VWA8: variants seen among roughly 807,000 people sequenced by gnomAD.
The protein encoded by VWA8 is von Willebrand factor A domain containing 8, also known as von Willebrand factor A domain-containing protein 8.
In VWA8, 221 loss-of-function variants were observed where a neutral mutation model predicts 241.5. The observed-to-expected ratio is 0.91, with a 90% CI of 0.82 to 1.02. VWA8 has a LOEUF of 1.02. VWA8 is among the 50% of genes least tolerant of loss of function. VWA8 has a pLI of 0.00. For synonymous variants in VWA8, 852 were observed against 827.1 expected, an observed-to-expected ratio of 1.03 and a Z score of -0.52; for missense variants, 2,322 against 2,328.7, an observed-to-expected ratio of 1.00 and a Z score of 0.06.
intron 37 of VWA8, among the ~76,000 whole-genome samples, chr13:41,633,109 G>A (rs1370809911): frequency 2.0e-5 from 3 of 152,122 alleles, no homozygotes; most frequent in South Asian, 2.1e-4. Context: ...TGAAGTAATC[G>A]TAATGTACTC....
intron 42 of VWA8, 42 bp from the exon 43 acceptor site, chr13:41,575,880 A>G: frequency 6.9e-7 from 1 of 1,441,658 alleles, no homozygotes; most frequent in Non-Finnish European, 9.6e-7. Flanking sequence ...TTTTCTCCAC[A>G]AAAGAACAGT....
intron 37 of VWA8, among the ~76,000 whole-genome samples, chr13:41,666,190 A>C (rs1313699444): frequency 6.6e-6 from 1 of 152,150 alleles, no homozygotes; most frequent in East Asian, 1.9e-4. Flanking sequence ...AAGGAGGCCC[A>C]TATGCATGAA....
chr13:41,739,716 A>C (rs1593734140), intron 21 of VWA8, among the ~76,000 whole-genome samples: 1 of 152,294 alleles, frequency 6.6e-6, no homozygotes, highest in African/African-American at 2.4e-5. Context: ...GATATTCGTA[A>C]AGGAAGACAC....
chr13:41,648,178 C>G (rs2044844526), intron 37 of VWA8, among the ~76,000 whole-genome samples: 1 of 152,122 alleles, frequency 6.6e-6, no homozygotes, highest in African/African-American at 2.4e-5. Context: ...AAGTGTCTCA[C>G]ACTTCCTGAA....
intron 20 of VWA8, among the ~76,000 whole-genome samples, chr13:41,762,250 T>C (rs1271575932): frequency 1.3e-5 from 2 of 152,100 alleles, no homozygotes; most frequent in African/African-American, 4.8e-5. Flanking sequence ...ACTTAACCCA[T>C]ACTGTGCCAG....
rs1160934805 is a variant in VWA8 at position 41,811,261 on chromosome 13, T to C, written c.2027A>G (p.Asn676Ser). ...SRRLSQYPNE[N>S]LHSAVTKACL... is the part of the protein sequence containing the mutation. ...GGCTTTAGTAACAGCACTGTGAAGA[T>C]TTTCATTAGGATACTGTGACAGCCG... Residue 676 changes from asparagine (N) to serine (S), a missense_variant, in exon 17 of 45, where the codon AAT becomes AGT. Coordinates refer to ENST00000379310, the MANE Select transcript of VWA8 (RefSeq NM_015058.2). 6.2e-7 allele frequency: 1 copy of C among 1,610,284 alleles called. No homozygotes were observed. The highest frequency in any genetic ancestry group is 1.3e-5 in the African/African-American group (1 of 74,842).
At chr13:41,937,512 G>A (rs1018590267) in intron 2 of VWA8, among the ~76,000 whole-genome samples, 3 of 152,166 alleles carry the variant, frequency 2.0e-5, no homozygotes, top group African/African-American at 4.8e-5. Context: ...GATCTGACAG[G>A]AGGCGGATCT....
In VWA8 at chr13:41,765,880, T is replaced by A. The variant is rs965031581; in HGVS notation, c.2350-4676A>T. Among the ~76,000 whole-genome samples, 14 of 152,294 alleles carry A rather than the reference T, an allele frequency of 9.2e-5. 1 individual carries two copies. The highest frequency in any genetic ancestry group is 3.4e-4 in the African/African-American group (14 of 41,574). ...AATTTGATATAGGAGAAGAAACTTG[T>A]GGAATGAGAGCTCCTAAAAAATAAA... On this transcript the variant is annotated intron_variant, in intron 20 of 44. Coordinates refer to ENST00000379310, the MANE Select transcript of VWA8 (RefSeq NM_015058.2).
intron 26 of VWA8, among the ~76,000 whole-genome samples, chr13:41,717,278 T>G (rs2045353798): frequency 6.6e-6 from 1 of 151,830 alleles, no homozygotes; most frequent in Admixed American, 6.6e-5. Context: ...GTGTACTTCC[T>G]TAATATTTTT....
intron 37 of VWA8, among the ~76,000 whole-genome samples, chr13:41,651,194 A>G (rs184514234): frequency 2.5e-3 from 382 of 152,136 alleles, no homozygotes; most frequent in South Asian, 4.4e-3. Context: ...GAAAGGATTG[A>G]GGATTGCTTT....
In VWA8 at chr13:41,699,064, G is replaced by C. The variant is rs2045232524; in HGVS notation, c.3564+7C>G. The C allele has an allele frequency of 6.2e-7, 1 of 1,613,722 alleles. No homozygotes were observed. Among genetic ancestry groups the C allele is most frequent in the Admixed American group, 1.7e-5 (1 of 59,994 alleles). ...TCCTCACATAATTGTAGCCTGGTGT[G>C]CATTACCTGCTGCTCATGGAGAACC... On this transcript the variant is annotated splice_region_variant and intron_variant, in intron 29 of 44. Coordinates refer to ENST00000379310, the MANE Select transcript of VWA8 (RefSeq NM_015058.2).
chr13:41,611,663 T>C lies in VWA8; in HGVS notation c.4790A>G (p.Tyr1597Cys). The C allele has an allele frequency of 1.2e-6, 2 of 1,614,094 alleles. No individual in the cohort carries two copies. The highest frequency in any genetic ancestry group is 1.7e-6 in the Non-Finnish European group (2 of 1,179,980). Residue 1597 changes from tyrosine to cysteine, a missense_variant, in exon 39 of 45, where the codon TAC becomes TGC. Transcript: ENST00000379310. ...ATCTTTCTCAGCCTGAGAGACCTGGTACACCGTATGGCCTGCATCCAGCCG... is the reference window on the plus strand; with the variant it reads ...ATCTTTCTCAGCCTGAGAGACCTGGCACACCGTATGGCCTGCATCCAGCCG... ...PYRLDAGHTV[Y>C]QVSQAEKDAV...
At chr13:41,957,882 C>T (rs1386518319) in intron 1 of VWA8, among the ~76,000 whole-genome samples, 1 of 152,090 alleles carries the variant, frequency 6.6e-6, no homozygotes, top group Non-Finnish European at 1.5e-5. Flanking sequence ...TATATTTATA[C>T]AGTTATGTTT....
At chr13:41,636,232 T>C (rs1181020093) in intron 37 of VWA8, among the ~76,000 whole-genome samples, 5 of 152,076 alleles carry the variant, frequency 3.3e-5, no homozygotes, top group Non-Finnish European at 7.4e-5. Flanking sequence ...AACAGAGATA[T>C]AGACCAATGG....
chr13:41,638,875 G>T (rs1044775975), intron 37 of VWA8, among the ~76,000 whole-genome samples: 3 of 152,116 alleles, frequency 2.0e-5, no homozygotes, highest in African/African-American at 7.2e-5. Context: ...GAGAGAGAGA[G>T]AATGTGATCC....
chr13:41,805,012 T>C (rs903923126), intron 17 of VWA8, among the ~76,000 whole-genome samples: 1 of 151,952 alleles, frequency 6.6e-6, no homozygotes, highest in Non-Finnish European at 1.5e-5. Flanking sequence ...GAGAAGACCA[T>C]AAAGCAACCT....
chr13:41,891,201 C>A (rs1163626829), intron 5 of VWA8, among the ~76,000 whole-genome samples: 37 of 136,416 alleles, frequency 2.7e-4, no homozygotes, highest in Admixed American at 5.1e-4. Flanking sequence ...TTAGACTGAC[C>A]AAAAAAAAAA....
At chr13:41,574,156 T>C (rs1271240456) in intron 43 of VWA8, among the ~76,000 whole-genome samples, 1 of 140,258 alleles carries the variant, frequency 7.1e-6, no homozygotes, top group African/African-American at 2.7e-5. Flanking sequence ...AAAATCAACA[T>C]TAAAGAAAAG....
chr13:41,572,127 G>A (rs954036889), intron 43 of VWA8, among the ~76,000 whole-genome samples: 2 of 150,714 alleles, frequency 1.3e-5, no homozygotes, highest in Admixed American at 6.6e-5. Flanking sequence ...GCCCGTCTGC[G>A]AAGTGAGGAG....
Sources: allele counts gnomAD v4.1 joint callset (sites outside exome capture counted in the v4.1 genomes callset), GRCh38; gene constraint gnomAD v4.1.1; transcripts MANE v1.5; gene names NCBI Gene and HGNC (gene_info 2026-07-23, HGNC 2026-07-21).